DSC3: variants seen among roughly 807,000 people sequenced by gnomAD.
The protein encoded by DSC3 is desmocollin-3.
DSC3 carries 97 observed loss-of-function variants against 89.5 expected under a neutral mutation model. That is an observed-to-expected ratio of 1.08 (90% confidence interval 0.92 to 1.28). DSC3 has a LOEUF of 1.28. Among genes scored for constraint, DSC3 ranks in the 50% most tolerant of loss-of-function variants. DSC3 has a pLI of 0.00. For synonymous variants in DSC3, 436 were observed against 384.1 expected, an observed-to-expected ratio of 1.14 and a Z score of -1.58; for missense variants, 1,199 against 1,085.3, an observed-to-expected ratio of 1.10 and a Z score of -1.47.
chr18:31,033,188 A>G (rs1985858894), intron 1 of DSC3, among the ~76,000 whole-genome samples: 1 of 152,218 alleles, frequency 6.6e-6, no homozygotes, highest in African/African-American at 2.4e-5. Flanking sequence ...ATAGAGAGAT[A>G]GCCCATCTTC....
At chr18:31,037,831 C>A (rs747586505) in intron 1 of DSC3, among the ~76,000 whole-genome samples, 2 of 151,384 alleles carry the variant, frequency 1.3e-5, no homozygotes, top group African/African-American at 4.9e-5. Context: ...ATCTGGGAGG[C>A]GGAGGTTGCA....
chr18:30,998,845 T>C (rs961542958), intron 14 of DSC3, among the ~76,000 whole-genome samples: 2 of 152,138 alleles, frequency 1.3e-5, no homozygotes, highest in East Asian at 1.9e-4. Flanking sequence ...TAAGCGCCCA[T>C]TGGATTTAAG....
At chr18:31,042,053 G>A (rs1986150807) in intron 1 of DSC3, among the ~76,000 whole-genome samples, 3 of 152,102 alleles carry the variant, frequency 2.0e-5, no homozygotes, top group South Asian at 2.1e-4. Flanking sequence ...CTTTAGGGGA[G>A]ATACCGAGAA....
intron 1 of DSC3, among the ~76,000 whole-genome samples, chr18:31,042,092 G>T (rs1311235809): frequency 5.9e-5 from 9 of 151,976 alleles, no homozygotes; most frequent in Non-Finnish European, 1.5e-5. Context: ...GCCCCACCAA[G>T]GGACCCAGGG....
chr18:31,018,048 T>C, intron 9 of DSC3, 23 bp downstream of exon 9: 1 of 1,597,336 alleles, frequency 6.3e-7, no homozygotes, highest in Non-Finnish European at 8.6e-7. Context: ...ATTTGCTAAG[T>C]TGTCAATTAT....
rs1195873288 is a variant in DSC3, at chr18:31,004,205, T to C, written c.2050A>G (p.Thr684Ala). The stretch of plus-strand genomic sequence containing the variant: ...GCCCATTTTCCAAGTATTACTCCTG[T>C]ACTCCTTGAAGTCGCACGACACTGA... Reference protein sequence around the residue: ...PTQCRATSRSTGVILGKWAIL... With the variant: ...PTQCRATSRSAGVILGKWAIL... The change falls in exon 13 of 16, where the codon ACA becomes GCA. Residue 684 changes from threonine to alanine, a missense_variant. Transcript: ENST00000360428. 1 of 1,614,018 alleles carries C rather than the reference T, an allele frequency of 6.2e-7. No individual in the cohort carries two copies. The highest frequency in any genetic ancestry group is 8.5e-7 in the Non-Finnish European group (1 of 1,179,924).
intron 7 of DSC3, among the ~76,000 whole-genome samples, chr18:31,020,853 G>A (rs1196363442): frequency 6.6e-6 from 1 of 152,072 alleles, no homozygotes; most frequent in Admixed American, 6.6e-5. Context: ...GAGGTGGGAG[G>A]ATTGTTTGAG....
chr18:30,995,195 C>T (rs2144670077), intron 15 of DSC3, among the ~76,000 whole-genome samples: 1 of 152,324 alleles, frequency 6.6e-6, no homozygotes, highest in South Asian at 2.1e-4. Flanking sequence ...CACTCCTTGC[C>T]TATGTGGAGT....
chr18:30,997,866 C>T (rs1426812254), intron 14 of DSC3, among the ~76,000 whole-genome samples: 1 of 152,106 alleles, frequency 6.6e-6, no homozygotes, highest in Admixed American at 6.5e-5. Flanking sequence ...AAGGCAACCA[C>T]TGTAGAAGGG....
At chr18:31,034,952 A>G (rs780601849) in intron 1 of DSC3, among the ~76,000 whole-genome samples, 3 of 152,206 alleles carry the variant, frequency 2.0e-5, no homozygotes, top group Non-Finnish European at 2.9e-5. Flanking sequence ...TGTAAATTAT[A>G]TCTCAATAAT....
At chr18:31,024,755 A>C (rs2144720261) in intron 5 of DSC3, among the ~76,000 whole-genome samples, 1 of 152,302 alleles carries the variant, frequency 6.6e-6, no homozygotes, top group East Asian at 1.9e-4. Context: ...TGTCCACTAG[A>C]CTGAGGAATT....
Position 31,001,707 on chromosome 18 carries a change from C to CA in DSC3, c.2145dup (p.Gly716TrpfsTer4). 1 of 1,607,852 alleles carries CA rather than the reference C, an allele frequency of 6.2e-7. No homozygotes were observed. The highest frequency in any genetic ancestry group is 1.1e-5 in the South Asian group (1 of 89,264). ...GGAAAACGTTTCCCTTTAGTTGCAC[C>CA]AAAAACTCCACATACTAAAGTTAGC... is the stretch of plus-strand genomic sequence containing the variant. On this transcript the variant is annotated frameshift_variant, in exon 14 of 16. Transcript: ENST00000360428. LOFTEE classifies it high-confidence loss of function.
chr18:31,037,517 G>A (rs1789046), intron 1 of DSC3, among the ~76,000 whole-genome samples: 79,970 of 152,022 alleles, frequency 0.53, 21,541 homozygotes, highest in East Asian at 0.88. Flanking sequence ...TATTTTTACA[G>A]TTTTGCCATT....
At chr18:31,035,859 A>T (rs1462043874) in intron 1 of DSC3, among the ~76,000 whole-genome samples, 1 of 152,114 alleles carries the variant, frequency 6.6e-6, no homozygotes, top group Non-Finnish European at 1.5e-5. Flanking sequence ...CCTCAGTAGG[A>T]TTTTATACTT....
At position 31,025,884 on chromosome 18, in the gene DSC3, A is replaced by G; in HGVS notation, c.506T>C (p.Val169Ala). The G allele has an allele frequency of 1.9e-6, 3 of 1,613,098 alleles. No individual in the cohort carries two copies. The highest frequency in any genetic ancestry group is 1.3e-5 in the African/African-American group (1 of 75,000). The change falls in exon 5 of 16, where the codon GTC becomes GCC. Residue 169 changes from valine to alanine, a missense_variant. Transcript: ENST00000360428. Reference sequence around the variant, plus strand: ...TCCACGTCCACTTATTGAGTAGAAGACAGTATAGTTCTGTGCTGCATCAGA... The same window carrying G: ...TCCACGTCCACTTATTGAGTAGAAGGCAGTATAGTTCTGTGCTGCATCAGA... ...VESDAAQNYT[V>A]FYSISGRGVD...
At chr18:31,017,471 C>A (rs1409897025) in intron 9 of DSC3, among the ~76,000 whole-genome samples, 1 of 152,108 alleles carries the variant, frequency 6.6e-6, no homozygotes, top group Non-Finnish European at 1.5e-5. Flanking sequence ...ACCAGCACCA[C>A]CAAATATACA....
intron 15 of DSC3, among the ~76,000 whole-genome samples, chr18:30,995,682 G>T (rs181271056): frequency 5.9e-5 from 9 of 152,204 alleles, no homozygotes; most frequent in Admixed American, 1.3e-4. Context: ...AAGCTTCATA[G>T]AGGATTTTGC....
At chr18:31,020,328 A>G (rs75612107) in intron 7 of DSC3, among the ~76,000 whole-genome samples, 1,626 of 152,296 alleles carry the variant, frequency 0.011, 30 homozygotes, top group African/African-American at 0.037. Context: ...TAAGAAGACC[A>G]TACAAAGGAC....
chr18:31,008,560 G>A, intron 9 of DSC3, 35 bp from the exon 10 acceptor site: 1 of 1,611,488 alleles, frequency 6.2e-7, no homozygotes, highest in Non-Finnish European at 8.5e-7. Context: ...CAGTGTCAGT[G>A]TAAAATACAT....
Sources: gnomAD v4.1 joint callset for allele counts (sites outside exome capture counted in the v4.1 genomes callset) on GRCh38, gnomAD v4.1.1 for gene constraint, MANE v1.5 for transcripts, NCBI Gene and HGNC (gene_info 2026-07-23, HGNC 2026-07-21) for gene names.